UNC80: variants seen among roughly 807,000 people sequenced by gnomAD.
UNC80 encodes the protein unc-80 subunit of NALCN channel complex.
UNC80 carries 164 observed loss-of-function variants against 384.6 expected under a neutral mutation model. The observed-to-expected ratio is 0.43, with a 90% CI of 0.38 to 0.49. The LOEUF (loss-of-function observed/expected upper bound fraction) is 0.49, where lower values mean the gene tolerates loss of function less well. Ranked by LOEUF, UNC80 falls within the 20% of genes least tolerant of loss-of-function variation. The pLI is 0.00. For missense variants in UNC80, 3,330 were observed against 4,143.0 expected, an observed-to-expected ratio of 0.80 and a Z score of 5.39; for synonymous variants, 1,486 against 1,527.8, an observed-to-expected ratio of 0.97 and a Z score of 0.64.
At chr2:209,906,315 A>G (rs553750506) in intron 29 of UNC80, among the ~76,000 whole-genome samples, 281 of 152,314 alleles carry the variant, frequency 1.8e-3, no homozygotes, top group South Asian at 3.9e-3. Context: ...AATAATACAA[A>G]ATATTCTTTA....
intron 47 of UNC80, among the ~76,000 whole-genome samples, chr2:209,947,279 C>T (rs1366937901): frequency 6.6e-6 from 1 of 152,154 alleles, no homozygotes; most frequent in African/African-American, 2.4e-5. Flanking sequence ...ACGTTGTTAA[C>T]CAGATATGTC....
In UNC80 at chr2:209,829,394, A is replaced by C; in HGVS notation, c.2626+15A>C. 1 of 1,550,926 alleles carries C rather than the reference A, an allele frequency of 6.4e-7. No individual in the cohort carries two copies. The highest frequency in any genetic ancestry group is 8.7e-7 in the Non-Finnish European group (1 of 1,146,510). Reference sequence around the variant, plus strand: ...GGTCACTGACAGTAAGTAAAGCTGCACCCAAGTTCTAGGAGAAGTCGTTGT... The same window carrying C: ...GGTCACTGACAGTAAGTAAAGCTGCCCCCAAGTTCTAGGAGAAGTCGTTGT... On this transcript the variant is annotated intron_variant, in intron 15 of 64. Coordinates refer to ENST00000673920, the MANE Select transcript of UNC80 (RefSeq NM_001371986.1).
rs187092755 is a variant in UNC80, at chr2:209,916,429, A to T, written c.5030-1348A>T. ...TATACAAATACCATTGGATCTGAGG[A>T]TTCGTGAGCATTACAAGAAAACTTT... is the stretch of plus-strand genomic sequence containing the variant. On this transcript the variant is annotated intron_variant, in intron 31 of 64. Coordinates refer to ENST00000673920, the MANE Select transcript of UNC80 (RefSeq NM_001371986.1). Among the ~76,000 whole-genome samples, 14 of 152,338 alleles carry T rather than the reference A, an allele frequency of 9.2e-5. No individual in the cohort carries two copies. In the East Asian group the frequency reaches 2.7e-3, roughly 29 times the overall value.
intron 45 of UNC80, among the ~76,000 whole-genome samples, chr2:209,944,415 GAAAGC>G (rs2091811863): frequency 1.3e-5 from 2 of 152,092 alleles, no homozygotes; most frequent in Non-Finnish European, 2.9e-5. Context: ...TAATCTTCAT[GAAAGC>G]AAGACCTTTG....
At chr2:209,957,532 TCTAAAA>T in intron 48 of UNC80, 106 bp from the exon 49 acceptor site, 5 of 989,264 alleles carry the variant, frequency 5.1e-6, no homozygotes, top group Non-Finnish European at 7.5e-6. Context: ...TTTTGAAGAC[TCTAAAA>T]CTAACTTAAA....
At position 209,819,020 on chromosome 2, in the gene UNC80, T is replaced by C. The variant is rs1179266666; in HGVS notation, c.1721T>C (p.Val574Ala). 1 of 1,551,768 alleles carries C rather than the reference T, an allele frequency of 6.4e-7. No homozygotes were observed. The highest frequency in any genetic ancestry group is 8.7e-7 in the Non-Finnish European group (1 of 1,147,006). ...CGATCTCAGATCTCCACCATCACAG[T>C]TGCGACCTTCAATACCACTTTGGCG... ...EVRSQISTITVATFNTTLASF... is the reference protein window; with the variant it reads ...EVRSQISTITAATFNTTLASF... Residue 574 changes from valine (V) to alanine (A), a missense_variant, in exon 12 of 65, where the codon GTT becomes GCT. Physicochemically the swap from Val to Ala is moderately conservative, Grantham distance 64. Coordinates refer to ENST00000673920, the MANE Select transcript of UNC80 (RefSeq NM_001371986.1).
Position 209,995,934 on chromosome 2 carries a change from G to T in UNC80, c.*339G>T, listed in dbSNP as rs2093476867. 5.5e-6 allele frequency: 1 copy of T among 182,860 alleles called. No individual in the cohort carries two copies. Among genetic ancestry groups the T allele is most frequent in the Non-Finnish European group, 1.2e-5 (1 of 86,852 alleles). 11.3% of individuals were successfully genotyped at this position (182,860 alleles called of 1,614,324 possible). On this transcript the variant is annotated 3_prime_UTR_variant, in exon 65 of 65. Coordinates refer to ENST00000673920, the MANE Select transcript of UNC80 (RefSeq NM_001371986.1). ...TGCTTTCATAGAAATATTAACAAAT[G>T]ATATGATCTAAAAATAGAATGCAAT...
chr2:209,881,627 A>G lies in UNC80; in HGVS notation c.4110+533A>G, dbSNP rs893423415. On this transcript the variant is annotated intron_variant, in intron 25 of 64. Transcript: ENST00000673920. ...AATAAGACCATGCATGTGTGCATGC[A>G]CACACACACACACACACACACACAT... Among the ~76,000 whole-genome samples the G allele has an allele frequency of 6.2e-5, 9 of 145,960 alleles. No homozygotes were observed. In the South Asian group the frequency reaches 1.7e-3, roughly 28 times the overall value.
intron 28 of UNC80, among the ~76,000 whole-genome samples, chr2:209,899,818 C>T (rs2087193587): frequency 6.6e-6 from 1 of 152,182 alleles, no homozygotes; most frequent in African/African-American, 2.4e-5. Context: ...TGCTTCTCTT[C>T]TTAGCTACTC....
Position 209,999,156 on chromosome 2 carries a change from A to C in UNC80, c.*3561A>C, listed in dbSNP as rs1413568832. ...CCCTCAGATAACTATGAAGTCTATTATGAGTACTGAATGACCAAAGAACAT... is the reference window on the plus strand; with the variant it reads ...CCCTCAGATAACTATGAAGTCTATTCTGAGTACTGAATGACCAAAGAACAT... On this transcript the variant is annotated 3_prime_UTR_variant, in exon 65 of 65. Coordinates refer to ENST00000673920, the MANE Select transcript of UNC80 (RefSeq NM_001371986.1). The C allele has an allele frequency of 1.3e-5, 2 of 152,210 alleles. No homozygotes were observed. Among genetic ancestry groups the C allele is most frequent in the Non-Finnish European group, 2.9e-5 (2 of 68,024 alleles). The allele number at this position is 152,210 out of a possible 1,614,324, so 9.4% of individuals were successfully genotyped here. A position where few individuals can be genotyped will look rare whatever the true frequency, so the allele number is the denominator to read the frequency against.
chr2:209,993,202 C>G (rs775878384), intron 62 of UNC80, 113 bp from the exon 63 acceptor site: 1 of 757,446 alleles, frequency 1.3e-6, no homozygotes, highest in East Asian at 2.8e-5. Context: ...AATTTATCAG[C>G]TATAAATGTA....
At chr2:209,962,041 T>A (rs1172932069) in intron 51 of UNC80, among the ~76,000 whole-genome samples, 1 of 152,026 alleles carries the variant, frequency 6.6e-6, no homozygotes, top group Non-Finnish European at 1.5e-5. Flanking sequence ...GGCCTGTATG[T>A]TTGGATTCTT....
intron 21 of UNC80, among the ~76,000 whole-genome samples, chr2:209,845,929 CCTTT>C (rs1234135653): frequency 1.3e-5 from 2 of 151,534 alleles, no homozygotes; most frequent in East Asian, 1.9e-4. Context: ...CTGATTCCTT[CCTTT>C]CTTTCCTTCT....
chr2:209,937,001 CTCACAG>C, intron 41 of UNC80, 68 bp downstream of exon 41: 2 of 1,124,466 alleles, frequency 1.8e-6, no homozygotes, highest in Non-Finnish European at 2.6e-6. Flanking sequence ...CTGAGGGTGG[CTCACAG>C]TCAGGGAGGC....
Position 209,957,726 on chromosome 2 carries a change from G to A in UNC80, c.7540G>A (p.Val2514Met), listed in dbSNP as rs190052898. ...AGCCAATCACACCATGTCGTCTGGG[G>A]TGAACACCAGGTAATTCACTGCGCC... Reference protein sequence around the residue: ...TTANHTMSSGVNTRYQEQGAK... With the variant: ...TTANHTMSSGMNTRYQEQGAK... Residue 2514 changes from valine to methionine, a missense_variant, in exon 49 of 65, where the codon GTG becomes ATG. Around this residue, in one of 8 missense-constraint regions of UNC80, gnomAD observed 1,049 missense variants for 1,488.6 expected, o/e 0.70. Transcript: ENST00000673920. The A allele has an allele frequency of 1.3e-6, 2 of 1,551,318 alleles. No individual in the cohort carries two copies. The highest frequency in any genetic ancestry group is 1.4e-5 in the African/African-American group (1 of 73,002).
chr2:209,937,658 TG>T, intron 42 of UNC80, 28 bp downstream of exon 42: 1 of 1,494,248 alleles, frequency 6.7e-7, no homozygotes, highest in East Asian at 2.5e-5. Flanking sequence ...TTTTATTCCA[TG>T]GTTTTGTCAT....
At chr2:209,831,661 GC>G in intron 16 of UNC80, 70 bp downstream of exon 16, 1 of 1,373,164 alleles carries the variant, frequency 7.3e-7, no homozygotes, top group Non-Finnish European at 9.5e-7. Flanking sequence ...CATTGTCGTG[GC>G]CATGAGTAAG....
intron 30 of UNC80, 79 bp from the exon 31 acceptor site, chr2:209,913,723 C>T (rs764421261): frequency 7.2e-5 from 101 of 1,398,110 alleles, no homozygotes; most frequent in Non-Finnish European, 9.3e-5. Context: ...AGAGAGGGGA[C>T]GTGGCTTTTA....
intron 4 of UNC80, 123 bp downstream of exon 4, chr2:209,777,682 G>A (rs1574403239): frequency 9.2e-7 from 1 of 1,084,330 alleles, no homozygotes; most frequent in East Asian, 2.4e-5. Flanking sequence ...TCAAGGCATG[G>A]AGAACTTTAT....
Sources: gnomAD v4.1 joint callset for allele counts (sites outside exome capture counted in the v4.1 genomes callset) on GRCh38, gnomAD v4.1.1 for gene constraint, gnomAD v4.1.1 regional missense constraint, MANE v1.5 for transcripts, NCBI Gene and HGNC (gene_info 2026-07-23, HGNC 2026-07-21) for gene names.